The following EVC2 variants were observed in gnomAD, a reference collection of about 807,000 sequenced individuals.
EVC2 encodes EvC ciliary complex subunit 2.
EVC2 carries 148 observed loss-of-function variants against 149.3 expected under a neutral mutation model. That is an observed-to-expected ratio of 0.99 (90% confidence interval 0.87 to 1.14). The LOEUF is 1.14. EVC2 is among the 50% of genes most tolerant of loss of function. The pLI is 0.00. For synonymous variants in EVC2, 776 were observed against 649.9 expected (o/e 1.19, Z -2.95); for missense variants, 1,854 against 1,627.3 (o/e 1.14, Z -2.40).
intron 9 of EVC2, among the ~76,000 whole-genome samples, chr4:5,649,468 T>C (rs1380543252): frequency 6.6e-6 from 1 of 152,198 alleles, no homozygotes; most frequent in Non-Finnish European, 1.5e-5. Flanking sequence ...TAGCTACTAA[T>C]GATAAAAAAA....
intron 21 of EVC2, among the ~76,000 whole-genome samples, chr4:5,564,471 C>G (rs767482115): frequency 2.0e-5 from 3 of 152,204 alleles, no homozygotes; most frequent in African/African-American, 4.8e-5. Context: ...GTTCCAAGCG[C>G]TTTATCATGA....
At chr4:5,707,002 A>G (rs1219355685) in intron 1 of EVC2, among the ~76,000 whole-genome samples, 1 of 152,116 alleles carries the variant, frequency 6.6e-6, no homozygotes, top group Non-Finnish European at 1.5e-5. Context: ...ACAGAGGCCA[A>G]TGTGCACCAG....
chr4:5,623,074 C>T, intron 13 of EVC2, 83 bp from the exon 14 acceptor site: 1 of 1,287,108 alleles, frequency 7.8e-7, no homozygotes, highest in Admixed American at 2.1e-5. Context: ...TTGCAGGAAG[C>T]ACAGAATGTT....
intron 3 of EVC2, 127 bp from the exon 4 acceptor site, chr4:5,691,460 T>A (rs1247812696): frequency 4.2e-6 from 3 of 720,758 alleles, no homozygotes; most frequent in East Asian, 5.4e-5. Flanking sequence ...CCTTAAGTAA[T>A]CTTGAAGTCT....
In EVC2 at chr4:5,685,480, C is replaced by T. The variant is rs751808694; in HGVS notation, c.707-1G>A. 6.2e-7 allele frequency: 1 copy of T among 1,614,036 alleles called. No individual in the cohort carries two copies. The highest frequency in any genetic ancestry group is 8.5e-7 in the Non-Finnish European group (1 of 1,179,962). On this transcript the variant is annotated splice_acceptor_variant, in intron 5 of 21. Transcript: ENST00000344408. LOFTEE classifies it high-confidence loss of function. ...TAGCTGACAGCAAAGGCATCTCCCA[C>T]TGCGCAGAGAAAAGCACATGTGACT...
intron 8 of EVC2, among the ~76,000 whole-genome samples, chr4:5,664,052 G>C (rs1400710182): frequency 2.0e-5 from 3 of 152,194 alleles, no homozygotes; most frequent in Non-Finnish European, 4.4e-5. Context: ...CTGCAAAAAT[G>C]CATAGCTATA....
rs560257763 is a variant in EVC2, at chr4:5,695,020, G to A, written c.284-519C>T. On this transcript the variant is annotated intron_variant, in intron 2 of 21. Transcript: ENST00000344408. Reference sequence around the variant, plus strand: ...ACCATCCTAAAGAGGATGTGTGCACGGCCAGACACAAACGCCTGCTGAGCC... The same window carrying A: ...ACCATCCTAAAGAGGATGTGTGCACAGCCAGACACAAACGCCTGCTGAGCC... Among the ~76,000 whole-genome samples the A allele has an allele frequency of 1.5e-4, 23 of 152,198 alleles. No homozygotes were observed. In the East Asian group the frequency reaches 2.1e-3, roughly 14 times the overall value.
At chr4:5,684,996 G>A (rs568285139) in intron 6 of EVC2, among the ~76,000 whole-genome samples, 1 of 152,196 alleles carries the variant, frequency 6.6e-6, no homozygotes, top group African/African-American at 2.4e-5. Flanking sequence ...CATTTCTGTT[G>A]TTTTTAAGTC....
rs568914646 is a variant in EVC2, at chr4:5,686,434, G to T, written c.707-955C>A. Among the ~76,000 whole-genome samples the T allele has an allele frequency of 6.6e-6, 1 of 152,038 alleles. No individual in the cohort carries two copies. Among genetic ancestry groups the T allele is most frequent in the African/African-American group, 2.4e-5 (1 of 41,394 alleles). ...TAATGGCAGTGACAATGACAATGAC[G>T]GGGAAAGAAGTCATAGTCAGACCTT... On this transcript the variant is annotated intron_variant, in intron 5 of 21. Transcript: ENST00000344408. The surrounding 1 kb of genome is among the most constrained non-coding windows in gnomAD (Gnocchi z 5.4).
In EVC2 at chr4:5,665,610, T is replaced by C. The variant is rs770732009; in HGVS notation, c.910A>G (p.Ile304Val). ...AGCACAAGGGAGAGGAGGAAGGCAA[T>C]GAAGAACCCTGCTGCGTGGAGGCCG... ...HHGLHAAGFF[I>V]AFLLSLVLTW... is the part of the protein sequence containing the mutation. The change falls in exon 8 of 22, where the codon ATT becomes GTT. Residue 304 changes from isoleucine (I) to valine (V), a missense_variant. By Grantham distance (29) the Ile-to-Val change is conservative. Transcript: ENST00000344408. The C allele has an allele frequency of 6.2e-6, 10 of 1,614,044 alleles. No individual in the cohort carries two copies. Among genetic ancestry groups the C allele is most frequent in the South Asian group, 2.2e-5 (2 of 91,070 alleles).
At position 5,679,165 on chromosome 4, in the gene EVC2, A is replaced by C. The variant is rs1330603314; in HGVS notation, c.870+2095T>G. ...CCAGTCAGTGAGTGAGTGGTGAGTGAATGTGAAGGCGTAGGGTATGACTGT... is the reference window on the plus strand; with the variant it reads ...CCAGTCAGTGAGTGAGTGGTGAGTGCATGTGAAGGCGTAGGGTATGACTGT... On this transcript the variant is annotated intron_variant, in intron 7 of 21. Coordinates refer to ENST00000344408, the MANE Select transcript of EVC2 (RefSeq NM_147127.5). This position sits in a 1 kb window ranked among gnomAD's most constrained non-coding sequence, Gnocchi z 5.1. 6.6e-6 allele frequency among the ~76,000 whole-genome samples: 1 copy of C among 152,134 alleles called. No individual in the cohort carries two copies. The highest frequency in any genetic ancestry group is 2.4e-5 in the African/African-American group (1 of 41,440).
chr4:5,703,851 G>C (rs1330211063), intron 1 of EVC2, among the ~76,000 whole-genome samples: 1 of 152,194 alleles, frequency 6.6e-6, no homozygotes, highest in African/African-American at 2.4e-5. Flanking sequence ...TAGGAACAGA[G>C]AGTAATGGGG....
At chr4:5,695,374 G>A (rs1419214203) in intron 2 of EVC2, among the ~76,000 whole-genome samples, 2 of 151,546 alleles carry the variant, frequency 1.3e-5, no homozygotes, top group Admixed American at 1.3e-4. Flanking sequence ...AAAAAAAGAA[G>A]AAAGAAATGA....
rs1387168657 is a variant in EVC2, at chr4:5,618,791, A to T, written c.2502-109T>A. ...TCATTCCTCATATCCATGTCTGCAG[A>T]AAAAGCACTGGCTCCTTAATCATGC... is the stretch of plus-strand genomic sequence containing the variant. On this transcript the variant is annotated intron_variant, in intron 14 of 21. Transcript: ENST00000344408. This position sits in a 1 kb window ranked among gnomAD's most constrained non-coding sequence, Gnocchi z 4.4. 1.9e-6 allele frequency: 2 copies of T among 1,047,384 alleles called. No homozygotes were observed. Among genetic ancestry groups the T allele is most frequent in the African/African-American group, 3.2e-5 (2 of 62,858 alleles). The allele number at this position is 1,047,384 out of a possible 1,614,324, so 64.9% of individuals were successfully genotyped here. A position where few individuals can be genotyped will look rare whatever the true frequency, so the allele number is the denominator to read the frequency against.
At chr4:5,701,109 T>G (rs1341653970) in intron 1 of EVC2, among the ~76,000 whole-genome samples, 2 of 152,160 alleles carry the variant, frequency 1.3e-5, no homozygotes, top group East Asian at 3.9e-4. Flanking sequence ...GACTGCTGCG[T>G]TCCTTAAGTT....
chr4:5,542,963 A>T, intron 22 of EVC2: 1 of 387,344 alleles, frequency 2.6e-6, no homozygotes, highest in Admixed American at 3.5e-5. Context: ...CTGCAATGTA[A>T]ACAAGTCCTC....
At chr4:5,552,233 C>G (rs1721751651) in intron 21 of EVC2, among the ~76,000 whole-genome samples, 1 of 152,158 alleles carries the variant, frequency 6.6e-6, no homozygotes, top group Admixed American at 6.5e-5. Flanking sequence ...TATATACACA[C>G]ATATACATTC....
intron 17 of EVC2, among the ~76,000 whole-genome samples, chr4:5,577,750 C>G (rs1182521256): frequency 2.6e-5 from 4 of 152,154 alleles, no homozygotes; most frequent in Non-Finnish European, 2.9e-5. Context: ...GCTGGGCCTT[C>G]GAGAACTCCT....
intron 21 of EVC2, among the ~76,000 whole-genome samples, chr4:5,546,953 C>G (rs7692830): frequency 0.017 from 2,639 of 152,300 alleles, 63 homozygotes; most frequent in African/African-American, 0.059. Context: ...CAAGTTGTGA[C>G]TGTGGAACCA....
Sources: gnomAD v4.1 joint callset for allele counts (sites outside exome capture counted in the v4.1 genomes callset) on GRCh38, gnomAD v4.1.1 for gene constraint, Gnocchi (gnomAD v3.1) non-coding constraint, MANE v1.5 for transcripts, NCBI Gene and HGNC (gene_info 2026-07-23, HGNC 2026-07-21) for gene names.